Variants in RBFOX1 observed in about 807,000 individuals in gnomAD.
The protein encoded by RBFOX1 is RNA binding protein fox-1 homolog 1.
Under a neutral mutation model 57.7 loss-of-function variants are expected in RBFOX1, and 8 were observed. The observed-to-expected ratio is 0.14, with a 90% CI of 0.08 to 0.25. RBFOX1 has a LOEUF of 0.25. RBFOX1 is among the 10% of genes least tolerant of loss of function. The pLI is 1.00. For synonymous variants in RBFOX1, 326 were observed against 222.4 expected (o/e 1.47, Z -4.15); for missense variants, 611 against 548.5 (o/e 1.11, Z -1.14).
chr16:5,775,523 G>T (rs1383502975), intron 3 of RBFOX1, among the ~76,000 whole-genome samples: 1 of 152,160 alleles, frequency 6.6e-6, no homozygotes, highest in Non-Finnish European at 1.5e-5. Flanking sequence ...AAAAATTAAG[G>T]AGCCTTATAT....
intron 4 of RBFOX1, among the ~76,000 whole-genome samples, chr16:7,068,230 G>A (rs959510643): frequency 3.9e-5 from 6 of 152,088 alleles, no homozygotes; most frequent in African/African-American, 7.2e-5. Flanking sequence ...AGATCAGCCA[G>A]CCAAGATTGT....
chr16:7,321,136 C>G (rs1293181842), intron 4 of RBFOX1, among the ~76,000 whole-genome samples: 1 of 149,966 alleles, frequency 6.7e-6, no homozygotes, highest in Admixed American at 6.7e-5. Flanking sequence ...TATACTTATA[C>G]TTATATTGTT....
In RBFOX1 at chr16:5,714,289, T is replaced by C. The variant is rs994852503; in HGVS notation, c.318+115328T>C. ...ATGGCTCAAGGCAGAAATGATAATG[T>C]TCTGATTCTGAGCTCAGACCTCAAG... On this transcript the variant is annotated intron_variant, in intron 3 of 19. Transcript: ENST00000641259. Among the ~76,000 whole-genome samples, 19 of 152,232 alleles carry C rather than the reference T, an allele frequency of 1.2e-4. 1 individual carries two copies. The highest frequency in any genetic ancestry group is 9.8e-4 in the Admixed American group (15 of 15,286).
At chr16:6,538,270 C>T (rs952445243) in intron 2 of RBFOX1, among the ~76,000 whole-genome samples, 3 of 152,040 alleles carry the variant, frequency 2.0e-5, no homozygotes, top group African/African-American at 7.2e-5. Flanking sequence ...CAGGAAGAGT[C>T]CTTGAACACA....
At chr16:6,428,661 AC>A (rs1337090847) in intron 2 of RBFOX1, among the ~76,000 whole-genome samples, 5 of 152,190 alleles carry the variant, frequency 3.3e-5, no homozygotes, top group Non-Finnish European at 7.3e-5. Flanking sequence ...CATTGCTGTT[AC>A]TATTATCTAA....
At chr16:5,399,002 G>T (rs1042555361) in intron 1 of RBFOX1, among the ~76,000 whole-genome samples, 2 of 152,190 alleles carry the variant, frequency 1.3e-5, no homozygotes, top group African/African-American at 2.4e-5. Flanking sequence ...TCCCGCATTT[G>T]AGGGCCGCAG....
chr16:6,606,065 C>A (rs923384585), intron 2 of RBFOX1, among the ~76,000 whole-genome samples: 1 of 151,914 alleles, frequency 6.6e-6, no homozygotes, highest in Non-Finnish European at 1.5e-5. Flanking sequence ...GCCGAGATCA[C>A]GCCCCTGCAC....
intron 3 of RBFOX1, among the ~76,000 whole-genome samples, chr16:5,717,324 C>G (rs944248752): frequency 4.6e-5 from 7 of 152,048 alleles, no homozygotes; most frequent in African/African-American, 1.2e-4. Flanking sequence ...ATAAGGCCAT[C>G]TATCTTTTTT....
intron 1 of RBFOX1, among the ~76,000 whole-genome samples, chr16:6,265,034 T>G (rs1232547745): frequency 6.6e-6 from 1 of 152,124 alleles, no homozygotes; most frequent in Non-Finnish European, 1.5e-5. Context: ...TCCAATATTG[T>G]GGGTGGGGCT....
At chr16:5,876,660 A>G (rs1358301484) in intron 4 of RBFOX1, among the ~76,000 whole-genome samples, 2 of 152,158 alleles carry the variant, frequency 1.3e-5, no homozygotes, top group Non-Finnish European at 2.9e-5. Context: ...CCAGAACCAT[A>G]TATTATTTCC....
chr16:6,441,709 C>T (rs114903108), intron 2 of RBFOX1, among the ~76,000 whole-genome samples: 2,807 of 152,238 alleles, frequency 0.018, 81 homozygotes, highest in African/African-American at 0.063. Flanking sequence ...TGAGCCACCT[C>T]GTGCAGTCAG....
At chr16:6,545,008 A>G (rs2096875604) in intron 2 of RBFOX1, among the ~76,000 whole-genome samples, 1 of 152,170 alleles carries the variant, frequency 6.6e-6, no homozygotes. Flanking sequence ...TCTTTTTTTT[A>G]TAGGCTGACC....
chr16:6,491,960 T>G (rs1303199155), intron 2 of RBFOX1, among the ~76,000 whole-genome samples: 1 of 152,160 alleles, frequency 6.6e-6, no homozygotes, highest in Non-Finnish European at 1.5e-5. Context: ...TCTTGGCAAA[T>G]TATGCAAGTG....
intron 10 of RBFOX1, among the ~76,000 whole-genome samples, chr16:7,626,623 C>A (rs2060113173): frequency 6.6e-6 from 1 of 152,080 alleles, no homozygotes; most frequent in Non-Finnish European, 1.5e-5. Flanking sequence ...GGTGAGCCAA[C>A]TTTATAAGAA....
intron 1 of RBFOX1, among the ~76,000 whole-genome samples, chr16:5,261,726 A>G (rs541236492): frequency 7.6e-4 from 115 of 151,814 alleles, no homozygotes; most frequent in African/African-American, 2.6e-3. Flanking sequence ...ATTTTTTTGT[A>G]TTTTTGGTAG....
chr16:6,573,477 T>TC (rs1221228502), intron 2 of RBFOX1, among the ~76,000 whole-genome samples: 2 of 152,232 alleles, frequency 1.3e-5, no homozygotes, highest in Admixed American at 6.5e-5. Context: ...GAGCCTGCTG[T>TC]CACTCAGGAA....
intron 2 of RBFOX1, among the ~76,000 whole-genome samples, chr16:6,523,805 T>A (rs2096541396): frequency 6.6e-6 from 1 of 152,200 alleles, no homozygotes; most frequent in African/African-American, 2.4e-5. Flanking sequence ...AGTTACATTT[T>A]GAAGGTACAG....
intron 3 of RBFOX1, among the ~76,000 whole-genome samples, chr16:6,689,468 C>T (rs529630798): frequency 6.6e-6 from 1 of 152,110 alleles, no homozygotes; most frequent in Non-Finnish European, 1.5e-5. Context: ...GTTTTAAATA[C>T]TCATCTTCTA....
At chr16:5,567,396 A>G (rs2046110239) in intron 2 of RBFOX1, among the ~76,000 whole-genome samples, 1 of 152,168 alleles carries the variant, frequency 6.6e-6, no homozygotes, top group Non-Finnish European at 1.5e-5. Flanking sequence ...TAAGTATAGT[A>G]ATAAGTCTGA....
Sources: gnomAD v4.1 joint callset for allele counts (sites outside exome capture counted in the v4.1 genomes callset) on GRCh38, gnomAD v4.1.1 for gene constraint, MANE v1.5 for transcripts, NCBI Gene and HGNC (gene_info 2026-07-23, HGNC 2026-07-21) for gene names.